The following SLC71A1 variants were observed in gnomAD, a reference collection of about 807,000 sequenced individuals.
SLC71A1 encodes the protein solute carrier family 71 member 1.
the SLC71A1 span, chr1:100,080,488 C>A: frequency 6.2e-7 from 1 of 1,606,010 alleles, no homozygotes; most frequent in Non-Finnish European, 8.5e-7. Flanking sequence ...TTTGTTTAAA[C>A]AATGTAGGTG....
chr1:100,048,888 G>T, the SLC71A1 span, among the ~76,000 whole-genome samples: 1 of 152,236 alleles, frequency 6.6e-6, no homozygotes, highest in Admixed American at 6.5e-5. Flanking sequence ...AGCCTCGTGG[G>T]GGGAAGTGCT....
the SLC71A1 span, chr1:100,082,258 C>T: frequency 1.4e-6 from 2 of 1,399,372 alleles, no homozygotes; most frequent in Non-Finnish European, 1.0e-6. Flanking sequence ...TCTTAGTTTT[C>T]ACCTCTAGTT....
At chr1:100,064,525 A>G in the SLC71A1 span, among the ~76,000 whole-genome samples, 1 of 152,186 alleles carries the variant, frequency 6.6e-6, no homozygotes, top group Non-Finnish European at 1.5e-5. Flanking sequence ...CCTGTTTGCC[A>G]TCTGTCCCCA....
chr1:100,045,830 A>AAATC, the SLC71A1 span, among the ~76,000 whole-genome samples: 2 of 152,136 alleles, frequency 1.3e-5, no homozygotes, highest in Non-Finnish European at 2.9e-5. Context: ...ATAAATAAAT[A>AAATC]AATAAATCTG....
At chr1:100,059,069 C>T in the SLC71A1 span, among the ~76,000 whole-genome samples, 1 of 151,196 alleles carries the variant, frequency 6.6e-6, no homozygotes, top group South Asian at 2.1e-4. Context: ...ACTAAAAAAC[C>T]CCCATCAATA....
the SLC71A1 span, chr1:100,038,429 C>A: frequency 3.5e-6 from 3 of 860,584 alleles, no homozygotes; most frequent in South Asian, 3.0e-5. Flanking sequence ...CTTCCCCCAC[C>A]CTGTCCGAGC....
chr1:100,082,476 T>A, the SLC71A1 span: 1 of 429,952 alleles, frequency 2.3e-6, no homozygotes, highest in Non-Finnish European at 4.3e-6. Context: ...ATCCTTTAAT[T>A]AAAAACTATA....
the SLC71A1 span, among the ~76,000 whole-genome samples, chr1:100,059,144 G>GTGTTTTTTTTTTTTTTTT: frequency 2.7e-5 from 2 of 75,416 alleles, no homozygotes; most frequent in African/African-American, 5.9e-5. Context: ...TCTTTTTCGT[G>GTGTTTTTTTTTTTTTTTT]TTTTTTTTTT....
the SLC71A1 span, among the ~76,000 whole-genome samples, chr1:100,045,135 A>C: frequency 6.6e-6 from 1 of 152,216 alleles, no homozygotes; most frequent in African/African-American, 2.4e-5. Flanking sequence ...TTCCATGAAC[A>C]TGGGATGTGT....
At chr1:100,045,117 T>A in the SLC71A1 span, among the ~76,000 whole-genome samples, 2 of 152,230 alleles carry the variant, frequency 1.3e-5, no homozygotes, top group African/African-American at 4.8e-5. Flanking sequence ...ACAATGTTGA[T>A]TCTTCCCTTC....
the SLC71A1 span, among the ~76,000 whole-genome samples, chr1:100,065,178 GT>G: frequency 2.0e-5 from 3 of 151,950 alleles, no homozygotes; most frequent in Admixed American, 6.6e-5. Context: ...CTGGCCAGTA[GT>G]TTTTTTTGAT....
At chr1:100,049,126 C>T in the SLC71A1 span, among the ~76,000 whole-genome samples, 2 of 152,150 alleles carry the variant, frequency 1.3e-5, no homozygotes, top group Non-Finnish European at 2.9e-5. Context: ...TCCATTTTAT[C>T]CTTTAGGAAA....
the SLC71A1 span, among the ~76,000 whole-genome samples, chr1:100,043,732 C>T: frequency 6.6e-6 from 1 of 152,220 alleles, no homozygotes; most frequent in Non-Finnish European, 1.5e-5. Context: ...CCCCCATCCT[C>T]AAAGTCCATT....
the SLC71A1 span, chr1:100,061,751 T>TA: frequency 2.1e-5 from 18 of 854,234 alleles, 1 homozygote; most frequent in Non-Finnish European, 3.3e-5. Context: ...GAGCTGCTCT[T>TA]ACGCTTAATT....
chr1:100,038,709 C>A, the SLC71A1 span, among the ~76,000 whole-genome samples: 2 of 152,156 alleles, frequency 1.3e-5, no homozygotes, highest in Non-Finnish European at 2.9e-5. Flanking sequence ...GCGGAGCCGT[C>A]GCCGCGCTTG....
At chr1:100,056,533 C>G in the SLC71A1 span, among the ~76,000 whole-genome samples, 1 of 152,136 alleles carries the variant, frequency 6.6e-6, no homozygotes. Flanking sequence ...TTGCTTGAAC[C>G]TGGGAGGCGG....
the SLC71A1 span, chr1:100,068,487 C>T: frequency 2.5e-5 from 40 of 1,611,026 alleles, no homozygotes; most frequent in Non-Finnish European, 3.1e-5. Flanking sequence ...TAAAAAAAGT[C>T]GGCCAAGATT....
the SLC71A1 span, chr1:100,068,196 G>C: frequency 6.2e-7 from 1 of 1,612,566 alleles, no homozygotes; most frequent in Non-Finnish European, 8.5e-7. Flanking sequence ...CCCTTTTGCG[G>C]TAAGTTTATA....
At chr1:100,068,042 A>G in the SLC71A1 span, 7 of 1,614,158 alleles carry the variant, frequency 4.3e-6, no homozygotes, top group Non-Finnish European at 5.9e-6. Flanking sequence ...TTGGACGAGT[A>G]TATGGGGACA....
Sources: allele counts gnomAD v4.1 joint callset (sites outside exome capture counted in the v4.1 genomes callset), GRCh38; gene constraint gnomAD v4.1.1; transcripts MANE v1.5; gene names NCBI Gene and HGNC (gene_info 2026-07-23, HGNC 2026-07-21).